Variants in NOTCH2NLA observed in about 807,000 individuals in gnomAD.
NOTCH2NLA encodes the protein notch 2 N-terminal like A, also known as notch homolog 2 N-terminal-like protein A.
intron 2 of NOTCH2NLA, among the ~76,000 whole-genome samples, chr1:146,172,900 G>T (rs1320402238): frequency 6.9e-6 from 1 of 145,274 alleles, no homozygotes; most frequent in Non-Finnish European, 1.6e-5. Context: ...TCCAAAGCAG[G>T]CTAAATTTCA....
chr1:146,228,206 C>T (rs1412531189), intron 1 of NOTCH2NLA, among the ~76,000 whole-genome samples: 1 of 147,992 alleles, frequency 6.8e-6, no homozygotes, highest in Non-Finnish European at 1.5e-5. Context: ...GCCCATGTGC[C>T]GCCCCCTGGC....
intron 1 of NOTCH2NLA, among the ~76,000 whole-genome samples, chr1:146,204,008 ATAAAT>A (rs1383155528): frequency 1.3e-5 from 2 of 151,700 alleles, no homozygotes; most frequent in Non-Finnish European, 1.5e-5. Context: ...GAAATGGGAG[ATAAAT>A]TAAAATAAAG....
chr1:146,175,355 A>AC (rs1445628342), intron 2 of NOTCH2NLA, among the ~76,000 whole-genome samples: 1 of 131,576 alleles, frequency 7.6e-6, no homozygotes, highest in East Asian at 2.0e-4. Flanking sequence ...TCTACTCTCA[A>AC]CCCCCCCTTC....
chr1:146,159,164 CCTGGCCAACACGGTGAAACGCCATCTTTT>C, intron 3 of NOTCH2NLA, among the ~76,000 whole-genome samples: 1 of 151,926 alleles, frequency 6.6e-6, no homozygotes, highest in Non-Finnish European at 1.5e-5. Context: ...TTGAGACCAG[CCTGGCCAACACGGTGAAACGCCATCTTTT>C]CTAAAAATAC....
At chr1:146,187,931 A>G (rs587655825) in intron 2 of NOTCH2NLA, among the ~76,000 whole-genome samples, 2 of 136,290 alleles carry the variant, frequency 1.5e-5, no homozygotes, top group Non-Finnish European at 3.4e-5. Flanking sequence ...CTTTATTCCA[A>G]TCCAAACAAC....
chr1:146,159,961 C>T (rs1274263281), intron 3 of NOTCH2NLA, among the ~76,000 whole-genome samples: 1 of 17,978 alleles, frequency 5.6e-5, no homozygotes, highest in East Asian at 2.2e-3. Context: ...AGCAATACTC[C>T]ATCTCAAAAA....
intron 1 of NOTCH2NLA, among the ~76,000 whole-genome samples, chr1:146,200,606 T>C (rs1490986354): frequency 3.5e-5 from 4 of 114,620 alleles, no homozygotes; most frequent in African/African-American, 1.4e-4. Flanking sequence ...GAGGAGCTGA[T>C]AATCTCAATG....
intron 2 of NOTCH2NLA, among the ~76,000 whole-genome samples, chr1:146,185,736 A>ACTCACCC (rs1475138056): frequency 7.8e-6 from 1 of 128,738 alleles, no homozygotes; most frequent in Non-Finnish European, 1.8e-5. Context: ...ACCACTCACC[A>ACTCACCC]CTCACCCCCA....
Position 146,175,298 on chromosome 1 carries a change from GA to G in NOTCH2NLA, c.39-10289del, listed in dbSNP as rs1261232191. ...CTAGTTAACTTCCTGGTAAAGAGGG[GA>G]AAAAAAGAGAAGAAGCTCTGTCATA... is the stretch of plus-strand genomic sequence containing the variant. On this transcript the variant is annotated intron_variant, in intron 2 of 4. Coordinates refer to ENST00000362074, the Ensembl canonical transcript of NOTCH2NLA. 4.4e-5 allele frequency among the ~76,000 whole-genome samples: 6 copies of G among 136,816 alleles called. 1 individual carries two copies. The highest frequency in any genetic ancestry group is 4.0e-4 in the East Asian group (2 of 5,040). The allele number at this position is 136,816 out of a possible 152,430, so 89.8% of individuals were successfully genotyped here.
At chr1:146,187,690 C>T (rs1553810557) in intron 2 of NOTCH2NLA, among the ~76,000 whole-genome samples, 1 of 135,756 alleles carries the variant, frequency 7.4e-6, no homozygotes, top group Non-Finnish European at 1.7e-5. Context: ...GGGTTAACTA[C>T]CACAAGAGTT....
intron 2 of NOTCH2NLA, among the ~76,000 whole-genome samples, chr1:146,187,592 C>A (rs61788898): frequency 6.6e-5 from 9 of 136,132 alleles, no homozygotes; most frequent in Middle Eastern, 3.5e-3. Flanking sequence ...AGGCACTGTA[C>A]TAGGCATTAA....
At chr1:146,158,226 T>C (rs1661262269) in intron 3 of NOTCH2NLA, among the ~76,000 whole-genome samples, 1 of 150,850 alleles carries the variant, frequency 6.6e-6, no homozygotes, top group African/African-American at 2.4e-5. Flanking sequence ...GCAGGTTTGT[T>C]ACATATGTAT....
chr1:146,158,240 T>C (rs1286773552), intron 3 of NOTCH2NLA, among the ~76,000 whole-genome samples: 27 of 149,518 alleles, frequency 1.8e-4, no homozygotes, highest in Non-Finnish European at 3.1e-4. Context: ...TATGTATATA[T>C]GTGCCATGTT....
intron 2 of NOTCH2NLA, among the ~76,000 whole-genome samples, chr1:146,187,758 G>A (rs587596920): frequency 7.4e-6 from 1 of 135,848 alleles, no homozygotes; most frequent in South Asian, 2.3e-4. Context: ...GACTAAACAA[G>A]ATTTCAGTGG....
rs1662721208 is a variant in NOTCH2NLA, at chr1:146,185,635, T to C, written c.38+3665A>G. On this transcript the variant is annotated intron_variant, in intron 2 of 4. Transcript: ENST00000362074. ...TTTTTATAATTTCTATAAACAATCA[T>C]TATATTTTAGCTGAATCAGTAGCAT... Among the ~76,000 whole-genome samples the C allele has an allele frequency of 1.5e-5, 2 of 132,040 alleles. 1 individual carries two copies. Among genetic ancestry groups the C allele is most frequent in the Admixed American group, 1.6e-4 (2 of 12,458 alleles). The allele number at this position is 132,040 out of a possible 152,430, so 86.6% of individuals were successfully genotyped here. A position where few individuals can be genotyped will look rare whatever the true frequency, so the allele number is the denominator to read the frequency against.
intron 1 of NOTCH2NLA, among the ~76,000 whole-genome samples, chr1:146,220,108 C>T (rs2603920): frequency 8.4e-5 from 1 of 11,966 alleles, no homozygotes; most frequent in Non-Finnish European, 1.4e-4. Context: ...TCAATGTTTG[C>T]TTTTAGTTAC....
intron 1 of NOTCH2NLA, among the ~76,000 whole-genome samples, chr1:146,197,918 C>G (rs2596079): frequency 6.7e-5 from 9 of 134,980 alleles, no homozygotes; most frequent in Admixed American, 3.8e-4. Flanking sequence ...TCCATAGAGG[C>G]AGTAACCACA....
At chr1:146,159,314 C>G (rs1157757599) in intron 3 of NOTCH2NLA, among the ~76,000 whole-genome samples, 1 of 147,838 alleles carries the variant, frequency 6.8e-6, no homozygotes, top group African/African-American at 2.5e-5. Flanking sequence ...GCCGAGACTG[C>G]GCCACTGTAC....
chr1:146,207,690 GTTGGAGACCTACCAAA>G (rs1180652572), intron 1 of NOTCH2NLA, among the ~76,000 whole-genome samples: 2 of 48,816 alleles, frequency 4.1e-5, no homozygotes. Flanking sequence ...CCAAAGTGCT[GTTGGAGACCTACCAAA>G]TTGGTTTCAT....
Sources: gnomAD v4.1 joint callset for allele counts (sites outside exome capture counted in the v4.1 genomes callset) on GRCh38, gnomAD v4.1.1 for gene constraint, MANE v1.5 for transcripts, NCBI Gene and HGNC (gene_info 2026-07-23, HGNC 2026-07-21) for gene names.